The following GABRR1 variants were observed in gnomAD, a reference collection of about 807,000 sequenced individuals.
The protein encoded by GABRR1 is gamma-aminobutyric acid receptor subunit rho-1.
GABRR1 carries 59 observed loss-of-function variants against 55.5 expected under a neutral mutation model. The observed-to-expected ratio is 1.06, with a 90% CI of 0.86 to 1.32. GABRR1 has a LOEUF of 1.32. GABRR1 is among the 40% of genes most tolerant of loss of function. The pLI is 0.00. For synonymous variants in GABRR1, 213 were observed against 226.0 expected (o/e 0.94, Z 0.51); for missense variants, 602 against 619.1 (o/e 0.97, Z 0.29).
intron 2 of GABRR1, among the ~76,000 whole-genome samples, chr6:89,202,703 T>C (rs779693081): frequency 2.6e-5 from 4 of 152,018 alleles, no homozygotes; most frequent in Non-Finnish European, 4.4e-5. Flanking sequence ...TTTTTATTTA[T>C]TTATTTATTT....
intron 5 of GABRR1, among the ~76,000 whole-genome samples, chr6:89,194,336 G>T (rs374425515): frequency 6.6e-6 from 1 of 152,190 alleles, no homozygotes; most frequent in Non-Finnish European, 1.5e-5. Context: ...TTACTGGAGC[G>T]AGGCGAACCT....
At chr6:89,223,261 C>T (rs1773140013) in intron 1 of GABRR1, among the ~76,000 whole-genome samples, 1 of 152,200 alleles carries the variant, frequency 6.6e-6, no homozygotes, top group Non-Finnish European at 1.5e-5. Flanking sequence ...TTTGCATCCT[C>T]ATAGCTTAGC....
At chr6:89,199,450 G>C (rs1444050953) in intron 3 of GABRR1, 21 bp from the exon 4 acceptor site, 1 of 1,611,218 alleles carries the variant, frequency 6.2e-7, no homozygotes, top group Admixed American at 1.7e-5. Context: ...AGCATGGCAA[G>C]AGCATTCACT....
chr6:89,203,110 AC>A (rs1295170869), intron 2 of GABRR1, among the ~76,000 whole-genome samples: 1 of 152,222 alleles, frequency 6.6e-6, no homozygotes, highest in Non-Finnish European at 1.5e-5. Context: ...GTGAGGAATT[AC>A]CGTGCTGGCA....
chr6:89,203,418 C>A lies in GABRR1; in HGVS notation c.173+17G>T. On this transcript the variant is annotated intron_variant, in intron 2 of 9. Coordinates refer to ENST00000454853, the MANE Select transcript of GABRR1 (RefSeq NM_002042.5). The stretch of plus-strand genomic sequence containing the variant: ...GGAAACATCTGCAGAACAGTGTGCA[C>A]GTGCTTATGGCCATACCTGACTTGC... 1 of 1,609,796 alleles carries A rather than the reference C, an allele frequency of 6.2e-7. No individual in the cohort carries two copies.
rs1772537272 is a variant in GABRR1 at position 89,203,315 on chromosome 6, C to G, written c.173+120G>C. On this transcript the variant is annotated intron_variant, in intron 2 of 9. Transcript: ENST00000454853. ...TTCAGGCTCCCCTTCCTCTGGTCCCCCACCCTCCACTTTCTGATCCTTGGT... is the reference window on the plus strand; with the variant it reads ...TTCAGGCTCCCCTTCCTCTGGTCCCGCACCCTCCACTTTCTGATCCTTGGT... 4 of 930,902 alleles carry G rather than the reference C, an allele frequency of 4.3e-6. No individual in the cohort carries two copies. In the East Asian group the frequency reaches 9.7e-5, roughly 23 times the overall value. 57.7% of individuals were successfully genotyped at this position (930,902 alleles called of 1,614,324 possible). A position where few individuals can be genotyped will look rare whatever the true frequency, so the allele number is the denominator to read the frequency against.
intron 1 of GABRR1, among the ~76,000 whole-genome samples, chr6:89,215,232 A>G (rs1272278495): frequency 6.6e-6 from 1 of 152,214 alleles, no homozygotes; most frequent in African/African-American, 2.4e-5. Context: ...TTGAAGAGAT[A>G]CCTGCACTCT....
At chr6:89,194,294 C>A (rs755326625) in intron 5 of GABRR1, among the ~76,000 whole-genome samples, 1 of 152,158 alleles carries the variant, frequency 6.6e-6, no homozygotes, top group South Asian at 2.1e-4. Flanking sequence ...GGACCTCCCC[C>A]ATTCGGGACT....
In GABRR1 at chr6:89,178,932, C is replaced by T; in HGVS notation, c.1278G>A (p.Gln426=). The T allele has an allele frequency of 6.2e-7, 1 of 1,614,234 alleles. No homozygotes were observed. The highest frequency in any genetic ancestry group is 1.3e-5 in the African/African-American group (1 of 75,048). ...AGCTCCTCTCTGAGGCCAGGGTCAG[C>T]TGCACCATCATCCTGTCGGGCTTCT... is the stretch of plus-strand genomic sequence containing the variant. The part of the protein sequence containing the change: ...NGEKPDRMMV[Q]LTLASERSSP... Residue 426 remains glutamine, a synonymous_variant, in exon 10 of 10, where the codon CAG becomes CAA. Transcript: ENST00000454853.
At chr6:89,215,836 T>C (rs924026820) in intron 1 of GABRR1, among the ~76,000 whole-genome samples, 1 of 152,206 alleles carries the variant, frequency 6.6e-6, no homozygotes. Flanking sequence ...TTTAAATAAA[T>C]TATTTAAAAG....
upstream of GABRR1, among the ~76,000 whole-genome samples, chr6:89,221,904 C>T (rs112322784): frequency 0.017 from 2,647 of 152,216 alleles, 43 homozygotes; most frequent in Middle Eastern, 0.031. Flanking sequence ...TGTAATCGAG[C>T]CATGGAAAGA....
chr6:89,200,241 C>CTTTTTT (rs10603486), intron 3 of GABRR1, among the ~76,000 whole-genome samples: 2 of 86,364 alleles, frequency 2.3e-5, no homozygotes, highest in African/African-American at 4.6e-5. Context: ...TTCTTTTTCC[C>CTTTTTT]TTTTTTTTTT....
At chr6:89,230,617 G>T (rs576272688) in intron 1 of GABRR1, among the ~76,000 whole-genome samples, 107 of 152,138 alleles carry the variant, frequency 7.0e-4, no homozygotes, top group Admixed American at 2.4e-3. Flanking sequence ...GCAGTCTGCC[G>T]GTTCTCAGAT....
intron 7 of GABRR1, among the ~76,000 whole-genome samples, chr6:89,184,328 T>G (rs1771825573): frequency 2.7e-5 from 2 of 73,112 alleles, no homozygotes; most frequent in Non-Finnish European, 6.8e-5. Context: ...GTGTCCCTAC[T>G]TTTTTTTTTA....
intron 5 of GABRR1, among the ~76,000 whole-genome samples, chr6:89,191,863 G>A (rs541733328): frequency 3.6e-4 from 55 of 152,082 alleles, no homozygotes; most frequent in Non-Finnish European, 7.2e-4. Context: ...GACTTCTGCT[G>A]TCCCTCCTCA....
Position 89,178,752 on chromosome 6 carries a change from T to C in GABRR1, c.*18A>G, listed in dbSNP as rs779633341. The C allele has an allele frequency of 3.8e-6, 6 of 1,589,802 alleles. No individual in the cohort carries two copies. The African/African-American group carries it at 4.0e-5, about 11-fold the overall frequency. ...AGTGCATGCCATGGAAATGTGAAAT[T>C]TGTAGAATTACAAGCATCTAGGAGA... is the stretch of plus-strand genomic sequence containing the variant. On this transcript the variant is annotated 3_prime_UTR_variant, in exon 10 of 10. Transcript: ENST00000454853.
intron 5 of GABRR1, among the ~76,000 whole-genome samples, chr6:89,193,638 C>A (rs1042736691): frequency 6.6e-6 from 1 of 152,068 alleles, no homozygotes; most frequent in Admixed American, 6.6e-5. Flanking sequence ...AGCTTGTGAG[C>A]CAGTTGTTAA....
At chr6:89,224,189 A>G (rs924734593) in intron 1 of GABRR1, among the ~76,000 whole-genome samples, 8 of 152,106 alleles carry the variant, frequency 5.3e-5, no homozygotes, top group African/African-American at 1.9e-4. Flanking sequence ...CCTGAGTTCA[A>G]GCGATTCTCC....
intron 3 of GABRR1, among the ~76,000 whole-genome samples, chr6:89,199,800 C>T (rs183412452): frequency 2.6e-4 from 39 of 152,316 alleles, no homozygotes; most frequent in Admixed American, 2.2e-3. Flanking sequence ...GCCACTGTCT[C>T]TTGTCTGGAC....
Sources: gnomAD v4.1 joint callset for allele counts (sites outside exome capture counted in the v4.1 genomes callset) on GRCh38, gnomAD v4.1.1 for gene constraint, MANE v1.5 for transcripts, NCBI Gene and HGNC (gene_info 2026-07-23, HGNC 2026-07-21) for gene names.